THOC1: variants seen among roughly 807,000 people sequenced by gnomAD.
THOC1 encodes the protein THO complex subunit 1, also known as THO complex 1.
THOC1 carries 29 observed loss-of-function variants against 97.3 expected under a neutral mutation model. The ratio of observed to expected loss-of-function variants is 0.30; its 90% CI spans 0.22 to 0.41. The LOEUF (loss-of-function observed/expected upper bound fraction) is 0.41, where lower values mean the gene tolerates loss of function less well. Ranked by LOEUF, THOC1 falls within the 10% of genes least tolerant of loss-of-function variation. The pLI, the probability that THOC1 is intolerant of heterozygous loss-of-function variation, is 1.00. For synonymous variants in THOC1, 255 were observed against 257.0 expected (o/e 0.99, Z 0.07); for missense variants, 529 against 761.9 (o/e 0.69, Z 3.60).
chr18:249,841 G>A (rs954561601), intron 9 of THOC1, among the ~76,000 whole-genome samples: 1 of 152,156 alleles, frequency 6.6e-6, no homozygotes, highest in Non-Finnish European at 1.5e-5. Context: ...CACACACTGA[G>A]TAACAAAATG....
chr18:261,881 G>A (rs1052174556), intron 4 of THOC1, among the ~76,000 whole-genome samples: 1 of 152,150 alleles, frequency 6.6e-6, no homozygotes. Flanking sequence ...TGGTTCTGAT[G>A]AGCCAGCAAG....
Position 265,285 on chromosome 18 carries a change from A to C in THOC1, c.189+18T>G. On this transcript the variant is annotated intron_variant, in intron 3 of 20. Coordinates refer to ENST00000261600, the MANE Select transcript of THOC1 (RefSeq NM_005131.3). The stretch of plus-strand genomic sequence containing the variant: ...TTAATTTGTCAGTAAAATTTTAACA[A>C]TGGAAAAACATACTTACAATTTCTT... 1.3e-6 allele frequency: 2 copies of C among 1,565,380 alleles called. No homozygotes were observed. The highest frequency in any genetic ancestry group is 8.6e-7 in the Non-Finnish European group (1 of 1,160,644).
chr18:259,160 T>C lies in THOC1; in HGVS notation c.520+20A>G. On this transcript the variant is annotated intron_variant, in intron 7 of 20. Transcript: ENST00000261600. ...AAAAGATTTTCCTGCAGAAAACTCA[T>C]TTAATGCATAAAAGCTTACCTGATT... is the stretch of plus-strand genomic sequence containing the variant. The C allele has an allele frequency of 6.4e-7, 1 of 1,570,684 alleles. No individual in the cohort carries two copies.
intron 11 of THOC1, among the ~76,000 whole-genome samples, chr18:228,527 GA>G (rs372423094): frequency 1.7e-4 from 25 of 150,690 alleles, no homozygotes; most frequent in Middle Eastern, 3.4e-3. Context: ...ATGTAAGGGG[GA>G]AAAAAAAACC....
In THOC1 at chr18:254,302, T is replaced by C. The variant is rs748265210; in HGVS notation, c.574A>G (p.Asn192Asp). The C allele has an allele frequency of 1.3e-6, 2 of 1,584,192 alleles. No individual in the cohort carries two copies. Among genetic ancestry groups the C allele is most frequent in the East Asian group, 2.3e-5 (1 of 43,964 alleles). ...NLENVTVFNT[N>D]EQESTLGQKH... ...TGACCCAGGGTGCTTTCCTGCTCAT[T>C]TGTATTGAAAACAGTGACATTTTCC... is the stretch of plus-strand genomic sequence containing the variant. The change falls in exon 8 of 21, where the codon AAT becomes GAT. Residue 192 changes from asparagine (N) to aspartate (D), a missense_variant. Transcript: ENST00000261600. This position sits in a 1 kb window ranked among gnomAD's most constrained non-coding sequence, Gnocchi z 4.1.
At chr18:221,989 T>C (rs78669598) in intron 17 of THOC1, among the ~76,000 whole-genome samples, 1 of 152,210 alleles carries the variant, frequency 6.6e-6, no homozygotes, top group Admixed American at 6.5e-5. Flanking sequence ...TTAACCATAC[T>C]GTTTTGTACT....
intron 11 of THOC1, among the ~76,000 whole-genome samples, chr18:243,301 C>G (rs1358077681): frequency 6.6e-6 from 1 of 152,044 alleles, no homozygotes; most frequent in Non-Finnish European, 1.5e-5. Flanking sequence ...ATTAGAAAGC[C>G]AAGTGTGACA....
intron 17 of THOC1, among the ~76,000 whole-genome samples, chr18:220,810 TCTC>T (rs1911051858): frequency 6.6e-6 from 1 of 152,164 alleles, no homozygotes; most frequent in African/African-American, 2.4e-5. Context: ...TTATTGATCT[TCTC>T]TTTTGATTTT....
rs150508900 is a variant in THOC1 at position 251,954 on chromosome 18, G to C, written c.677+585C>G. On this transcript the variant is annotated intron_variant, in intron 9 of 20. Transcript: ENST00000261600. ...CAGAAGCATTTTGATCTTTATCTAG[G>C]AGTTTGGTGATTGTTTTTGTGACCA... Among the ~76,000 whole-genome samples, 99 of 152,268 alleles carry C rather than the reference G, an allele frequency of 6.5e-4. No homozygotes were observed. In the East Asian group the frequency reaches 0.018, roughly 28 times the overall value.
chr18:237,767 A>G (rs1911758607), intron 11 of THOC1, among the ~76,000 whole-genome samples: 1 of 152,250 alleles, frequency 6.6e-6, no homozygotes, highest in African/African-American at 2.4e-5. Flanking sequence ...AGTACCTTCC[A>G]TATAACTTAC....
At chr18:253,536 T>C (rs970534089) in intron 8 of THOC1, among the ~76,000 whole-genome samples, 1 of 152,228 alleles carries the variant, frequency 6.6e-6, no homozygotes, top group African/African-American at 2.4e-5. Flanking sequence ...TTTGTACATA[T>C]ACACAAAAAG....
At chr18:260,121 C>T in intron 5 of THOC1, 65 bp downstream of exon 5, 1 of 1,066,478 alleles carries the variant, frequency 9.4e-7, no homozygotes, top group Non-Finnish European at 1.3e-6. Context: ...AAAAAAAAAT[C>T]TACCCTCAGA....
At position 260,242 on chromosome 18, in the gene THOC1, C is replaced by T; in HGVS notation, c.319G>A (p.Asp107Asn). 1.3e-6 allele frequency: 2 copies of T among 1,595,768 alleles called. No homozygotes were observed. The highest frequency in any genetic ancestry group is 1.7e-6 in the Non-Finnish European group (2 of 1,171,742). ...LGDVLDCLPL[D>N]QCDTIFTFVE... ...AAAGTGAATATTGTGTCACACTGATCCAAAGGAAGACAATCCAAAACATCT... is the reference window on the plus strand; with the variant it reads ...AAAGTGAATATTGTGTCACACTGATTCAAAGGAAGACAATCCAAAACATCT... Residue 107 changes from aspartate (D) to asparagine (N), a missense_variant, in exon 5 of 21, where the codon GAT becomes AAT. Transcript: ENST00000261600.
At chr18:217,080 G>A (rs1910917838) in intron 18 of THOC1, among the ~76,000 whole-genome samples, 2 of 152,230 alleles carry the variant, frequency 1.3e-5, no homozygotes, top group African/African-American at 4.8e-5. Flanking sequence ...AAATTCTAAA[G>A]ATAATGCGTC....
intron 17 of THOC1, among the ~76,000 whole-genome samples, chr18:219,864 C>A (rs1350847273): frequency 6.6e-6 from 1 of 152,118 alleles, no homozygotes; most frequent in African/African-American, 2.4e-5. Flanking sequence ...AATACGATTT[C>A]AAGGGTTTAA....
chr18:246,160 G>A, intron 11 of THOC1, 164 bp downstream of exon 11: 1 of 577,428 alleles, frequency 1.7e-6, no homozygotes. Context: ...TCCTACTTCT[G>A]AAAGGAAGAA....
At chr18:244,976 T>C (rs181589156) in intron 11 of THOC1, 1 of 152,312 alleles carries the variant, frequency 6.6e-6, no homozygotes, top group Admixed American at 6.5e-5. Context: ...GTGCTGAGTT[T>C]TGGTTTCAAT....
chr18:225,860 CTCA>C, intron 12 of THOC1: 1 of 156,380 alleles, frequency 6.4e-6, no homozygotes, highest in Non-Finnish European at 1.4e-5. Context: ...TAACTGAGCT[CTCA>C]TAATGCACTA....
intron 12 of THOC1, chr18:225,700 GAA>G (rs1911257698): frequency 1.1e-5 from 3 of 285,578 alleles, no homozygotes; most frequent in Non-Finnish European, 1.9e-5. Context: ...AGTGTGAAAC[GAA>G]AACTTCTGAT....
Sources: allele counts gnomAD v4.1 joint callset (sites outside exome capture counted in the v4.1 genomes callset), GRCh38; gene constraint gnomAD v4.1.1; non-coding constraint Gnocchi (gnomAD v3.1); transcripts MANE v1.5; gene names NCBI Gene and HGNC (gene_info 2026-07-23, HGNC 2026-07-21).